Variants in DAO observed in about 807,000 individuals in gnomAD.
DAO encodes the protein D-amino-acid oxidase.
In DAO, 51 loss-of-function variants were observed where a neutral mutation model predicts 50.1. That is an observed-to-expected ratio of 1.02 (90% confidence interval 0.81 to 1.29). DAO has a LOEUF of 1.29. Ranked by LOEUF, DAO falls within the 50% of genes most tolerant of loss-of-function variation. The pLI is 0.00. For synonymous variants in DAO, 160 were observed against 166.2 expected (o/e 0.96, Z 0.29); for missense variants, 436 against 439.4 (o/e 0.99, Z 0.07).
At chr12:108,882,164 C>T (rs934616244) in intron 1 of DAO, among the ~76,000 whole-genome samples, 4 of 152,092 alleles carry the variant, frequency 2.6e-5, no homozygotes, top group Non-Finnish European at 5.9e-5. Flanking sequence ...TGTCCAGGAG[C>T]TGATATTCCA....
At chr12:108,887,939 CA>C (rs1027052412) in intron 3 of DAO, among the ~76,000 whole-genome samples, 1 of 152,176 alleles carries the variant, frequency 6.6e-6, no homozygotes, top group African/African-American at 2.4e-5. Flanking sequence ...CTCATCAAAG[CA>C]AAAACTGCCA....
Position 108,894,282 on chromosome 12 carries a change from A to G in DAO, c.527A>G (p.Asp176Gly), listed in dbSNP as rs924312907. Residue 176 changes from aspartate to glycine, a missense_variant, in exon 7 of 11, where the codon GAC (aspartate) becomes GGC (glycine). Asp to Gly is a moderately conservative substitution (Grantham distance 94). Transcript: ENST00000228476. ...TACCAGGTGGCAAGAGAAGGCGCAG[A>G]CGTGATTGTCAACTGCACTGGGGTA... ...SFEEVAREGA[D>G]VIVNCTGVWA... 28 of 1,613,866 alleles carry G rather than the reference A, an allele frequency of 1.7e-5. No homozygotes were observed. Among genetic ancestry groups the G allele is most frequent in the Non-Finnish European group, 2.4e-5 (28 of 1,179,984 alleles).
intron 8 of DAO, 133 bp downstream of exon 8, chr12:108,897,221 A>T (rs2039569654): frequency 1.4e-6 from 1 of 697,482 alleles, no homozygotes; most frequent in Admixed American, 2.2e-5. Context: ...GCTATTTTTT[A>T]TTATTATTTT....
intron 3 of DAO, among the ~76,000 whole-genome samples, chr12:108,888,874 A>T (rs1441395629): frequency 6.6e-6 from 1 of 152,180 alleles, no homozygotes; most frequent in Non-Finnish European, 1.5e-5. Context: ...GGTTAAGAAC[A>T]TGAACTCTGG....
intron 4 of DAO, among the ~76,000 whole-genome samples, chr12:108,889,754 T>C (rs1331540912): frequency 6.6e-6 from 1 of 152,064 alleles, no homozygotes; most frequent in Non-Finnish European, 1.5e-5. Context: ...AAATCACAGA[T>C]CTCAAGCCCA....
At chr12:108,885,650 C>T (rs2039428994) in intron 2 of DAO, among the ~76,000 whole-genome samples, 1 of 152,080 alleles carries the variant, frequency 6.6e-6, no homozygotes, top group South Asian at 2.1e-4. Flanking sequence ...GCCCCTTGCT[C>T]TGTGCCAGAT....
chr12:108,890,169 T>C (rs1254814161), intron 4 of DAO, 39 bp from the exon 5 acceptor site: 1 of 1,556,202 alleles, frequency 6.4e-7, no homozygotes, highest in Non-Finnish European at 8.9e-7. Flanking sequence ...AGCTCTGATT[T>C]TTACCTTTAT....
intron 1 of DAO, 37 bp downstream of exon 1, chr12:108,880,261 G>A: frequency 2.5e-6 from 1 of 399,510 alleles, no homozygotes; most frequent in South Asian, 1.8e-5. Flanking sequence ...GGGGACAGGG[G>A]TTGGGAGAGG....
Position 108,889,541 on chromosome 12 carries a change from T to C in DAO, c.382T>C (p.Tyr128His). Residue 128 changes from tyrosine to histidine, a missense_variant, in exon 4 of 11, where the codon TAC becomes CAC. Physicochemically the swap from Tyr to His is moderately conservative, Grantham distance 83. Coordinates refer to ENST00000228476, the MANE Select transcript of DAO (RefSeq NM_001917.5). Reference sequence around the variant, plus strand: ...CAGAGAGCTGGATATGTTCCCAGATTACGGGTGAGTTTATTGTCACAGGCA... The same window carrying C: ...CAGAGAGCTGGATATGTTCCCAGATCACGGGTGAGTTTATTGTCACAGGCA... Reference protein sequence around the residue: ...TPRELDMFPDYGYGWFHTSLI... With the variant: ...TPRELDMFPDHGYGWFHTSLI... 1 of 1,612,036 alleles carries C rather than the reference T, an allele frequency of 6.2e-7. No individual in the cohort carries two copies. The highest frequency in any genetic ancestry group is 8.5e-7 in the Non-Finnish European group (1 of 1,178,586).
intron 7 of DAO, among the ~76,000 whole-genome samples, chr12:108,894,812 C>G (rs1159930774): frequency 6.6e-6 from 1 of 152,052 alleles, no homozygotes; most frequent in Non-Finnish European, 1.5e-5. Context: ...TAGCCTTGAC[C>G]TCCCAGGCTC....
chr12:108,886,245 A>C (rs1259820337), intron 2 of DAO, among the ~76,000 whole-genome samples: 1 of 151,748 alleles, frequency 6.6e-6, no homozygotes, highest in Admixed American at 6.6e-5. Context: ...GCTGGTCTTG[A>C]ACTCCTGGGC....
At chr12:108,895,842 TGC>T in intron 7 of DAO, among the ~76,000 whole-genome samples, 1 of 151,542 alleles carries the variant, frequency 6.6e-6, no homozygotes, top group South Asian at 2.1e-4. Flanking sequence ...TGTGTAGGGG[TGC>T]GTGTGTGTGT....
chr12:108,894,382 G>A lies in DAO; in HGVS notation c.612+15G>A, dbSNP rs1236342528. 1.3e-6 allele frequency: 2 copies of A among 1,584,644 alleles called. No individual in the cohort carries two copies. The highest frequency in any genetic ancestry group is 1.7e-5 in the Admixed American group (1 of 59,668). On this transcript the variant is annotated intron_variant, in intron 7 of 10. Transcript: ENST00000228476. ...AGATCATGAAGGTGAGTGTGAGGGT[G>A]AGACCCCTACCTTTTGTTAATAGGA...
chr12:108,899,633 C>A (rs2039600517), intron 10 of DAO, 158 bp downstream of exon 10: 7 of 709,076 alleles, frequency 9.9e-6, no homozygotes, highest in Middle Eastern at 3.7e-4. Context: ...AATGGGGAAA[C>A]TGAGGCTCAA....
Position 108,900,621 on chromosome 12 carries a change from C to T in DAO, c.*86C>T. On this transcript the variant is annotated 3_prime_UTR_variant, in exon 11 of 11. Transcript: ENST00000228476. ...CAATGTGCTCCTTCATAAGCCATTGCTTCTCCCTCACTTCTTTCCTCAAAG... is the reference window on the plus strand; with the variant it reads ...CAATGTGCTCCTTCATAAGCCATTGTTTCTCCCTCACTTCTTTCCTCAAAG... 2 of 1,545,172 alleles carry T rather than the reference C, an allele frequency of 1.3e-6. No homozygotes were observed. Among genetic ancestry groups the T allele is most frequent in the Non-Finnish European group, 1.8e-6 (2 of 1,126,742 alleles).
rs139064188 is a variant in DAO at position 108,884,341 on chromosome 12, C to A, written c.-9-657C>A. Among the ~76,000 whole-genome samples, 994 of 152,338 alleles carry A rather than the reference C, an allele frequency of 6.5e-3. 13 individuals are homozygous for A. Among genetic ancestry groups the A allele is most frequent in the African/African-American group, 0.023 (944 of 41,568 alleles). ...TAAGTCACATCACCTCTCTGAACCACAGTTTCCTCCTCTGTAAGACGGGAC... is the reference window on the plus strand; with the variant it reads ...TAAGTCACATCACCTCTCTGAACCAAAGTTTCCTCCTCTGTAAGACGGGAC... On this transcript the variant is annotated intron_variant, in intron 1 of 10. Transcript: ENST00000228476.
intron 4 of DAO, 74 bp from the exon 5 acceptor site, chr12:108,890,134 C>A: frequency 7.9e-7 from 1 of 1,271,960 alleles, no homozygotes; most frequent in South Asian, 1.2e-5. Context: ...ATTGCTCCCA[C>A]CTCCATTTCA....
Position 108,900,889 on chromosome 12 carries a change from A to G in DAO, c.*354A>G. The G allele has an allele frequency of 3.2e-6, 1 of 315,150 alleles. No individual in the cohort carries two copies. Among genetic ancestry groups the G allele is most frequent in the South Asian group, 2.9e-5 (1 of 34,516 alleles). The allele number at this position is 315,150 out of a possible 1,614,324, so 19.5% of individuals were successfully genotyped here. A position where few individuals can be genotyped will look rare whatever the true frequency, so the allele number is the denominator to read the frequency against. ...GCTAAGTAACCTGATTACAAGTTGT[A>G]CTAACATATTAAAGGTTCTGAAAAG... On this transcript the variant is annotated 3_prime_UTR_variant, in exon 11 of 11. Transcript: ENST00000228476.
intron 1 of DAO, among the ~76,000 whole-genome samples, chr12:108,884,135 A>ATT (rs2039409569): frequency 6.6e-6 from 1 of 152,268 alleles, no homozygotes; most frequent in African/African-American, 2.4e-5. Context: ...GCCCCAAGGC[A>ATT]GGTGGAGTTC....
Sources: gnomAD v4.1 joint callset for allele counts (sites outside exome capture counted in the v4.1 genomes callset) on GRCh38, gnomAD v4.1.1 for gene constraint, MANE v1.5 for transcripts, NCBI Gene and HGNC (gene_info 2026-07-23, HGNC 2026-07-21) for gene names.